The following PAX1 variants were observed in gnomAD, a reference collection of about 807,000 sequenced individuals.
PAX1 encodes paired box protein Pax-1.
A neutral mutation model predicts 35.6 loss-of-function variants in PAX1; 18 were observed. The observed-to-expected ratio is 0.50, with a 90% CI of 0.35 to 0.75. PAX1 has a LOEUF of 0.75. Ranked by LOEUF, PAX1 falls within the 30% of genes least tolerant of loss-of-function variation. PAX1 has a pLI of 0.01. For synonymous variants in PAX1, 397 were observed against 305.2 expected (o/e 1.30, Z -3.14); for missense variants, 760 against 661.5 (o/e 1.15, Z -1.63).
chr20:21,705,937 G>T lies in PAX1; in HGVS notation c.225G>T (p.Gly75=). ...CCCAAGCTCTCCCGGACTGCGCCGG[G>T]CCCAGCCCCGGCCACCCCGGCCACC... is the stretch of plus-strand genomic sequence containing the variant. ...GGAQALPDCA[G]PSPGHPGHPG... is the part of the protein sequence containing the mutation. The change falls in exon 1 of 5, where the codon GGG becomes GGT. Residue 75 remains glycine, a synonymous_variant. Transcript: ENST00000613128. 1.3e-6 allele frequency: 2 copies of T among 1,483,528 alleles called. No individual in the cohort carries two copies. Among genetic ancestry groups the T allele is most frequent in the Non-Finnish European group, 1.8e-6 (2 of 1,124,864 alleles). The allele number at this position is 1,483,528 out of a possible 1,614,324, so 91.9% of individuals were successfully genotyped here.
In PAX1 at chr20:21,715,098, T is replaced by G; in HGVS notation, c.*536T>G. On this transcript the variant is annotated 3_prime_UTR_variant, in exon 5 of 5. Transcript: ENST00000613128. ...CCCCCGTCTCCTCTTTCTAGTCCTC[T>G]ATATGCTATCAGCCCTTTTTCCTGG... The G allele has an allele frequency of 1.9e-6, 1 of 522,550 alleles. No homozygotes were observed. Among genetic ancestry groups the G allele is most frequent in the Non-Finnish European group, 3.4e-6 (1 of 290,376 alleles). The allele number at this position is 522,550 out of a possible 1,614,324, so 32.4% of individuals were successfully genotyped here.
In PAX1 at chr20:21,706,410, G is replaced by C. The variant is rs954131996; in HGVS notation, c.287-28G>C. ...CCCGCCGGGTGTTTTCTCCCCCTCC[G>C]GCTCACTCTTGTCTGGCGCATCCGC... is the stretch of plus-strand genomic sequence containing the variant. On this transcript the variant is annotated intron_variant, in intron 1 of 4. Transcript: ENST00000613128. The surrounding 1 kb of genome is among the most constrained non-coding windows in gnomAD (Gnocchi z 5.3). 5.6e-6 allele frequency: 9 copies of C among 1,609,838 alleles called. No individual in the cohort carries two copies. The highest frequency in any genetic ancestry group is 1.7e-5 in the Admixed American group (1 of 60,006).
In PAX1 at chr20:21,715,779, AAAC is replaced by A. The variant is rs201826745; in HGVS notation, c.*1232_*1234del. 7.9e-5 allele frequency: 12 copies of A among 152,724 alleles called. No homozygotes were observed. The highest frequency in any genetic ancestry group is 1.9e-4 in the African/African-American group (8 of 41,394). The allele number at this position is 152,724 out of a possible 1,614,324, so 9.5% of individuals were successfully genotyped here. On this transcript the variant is annotated 3_prime_UTR_variant, in exon 5 of 5. Coordinates refer to ENST00000613128, the MANE Select transcript of PAX1 (RefSeq NM_001257096.2). ...AGGGTTAAAAAAAACAAAACAAAAC[AAAC>A]AACAACAACAACAAAAACAACCCAG... is the stretch of plus-strand genomic sequence containing the variant.
chr20:21,714,825 T>A lies in PAX1; in HGVS notation c.*263T>A, dbSNP rs770274210. 4.4e-6 allele frequency: 7 copies of A among 1,588,726 alleles called. No individual in the cohort carries two copies. The highest frequency in any genetic ancestry group is 1.1e-5 in the South Asian group (1 of 90,800). ...TTAGACTGCCGTACCCTCCTCACAATCCTTGCTCTGACGTGGCCTCCTTCG... is the reference window on the plus strand; with the variant it reads ...TTAGACTGCCGTACCCTCCTCACAAACCTTGCTCTGACGTGGCCTCCTTCG... On this transcript the variant is annotated 3_prime_UTR_variant, in exon 5 of 5. Coordinates refer to ENST00000613128, the MANE Select transcript of PAX1 (RefSeq NM_001257096.2).
rs887701918 is a variant in PAX1, at chr20:21,708,596, A to C, written c.955A>C (p.Lys319Gln). ...AGSEGTAYSPKMEDWAGVNRT... is the reference protein window; with the variant it reads ...AGSEGTAYSPQMEDWAGVNRT... The stretch of plus-strand genomic sequence containing the variant: ...GAGCGAAGGCACCGCTTACTCTCCC[A>C]AGATGGAAGACTGGGCCGGCGTGAA... The change falls in exon 3 of 5, where the codon AAG becomes CAG. Residue 319 changes from lysine (K) to glutamine (Q), a missense_variant. Transcript: ENST00000613128. 4.3e-6 allele frequency: 7 copies of C among 1,613,812 alleles called. No homozygotes were observed. In the Admixed American group the frequency reaches 6.7e-5, roughly 15 times the overall value.
In PAX1 at chr20:21,706,678, A is replaced by G. The variant is rs747027543; in HGVS notation, c.527A>G (p.Asn176Ser). 19 of 1,613,036 alleles carry G rather than the reference A, an allele frequency of 1.2e-5. No homozygotes were observed. The highest frequency in any genetic ancestry group is 1.6e-4 in the Middle Eastern group (1 of 6,062). ...GGSKPRVTTPNVVKHIRDYKQ... is the reference protein window; with the variant it reads ...GGSKPRVTTPSVVKHIRDYKQ... ...AGCAAGCCCCGCGTCACCACTCCCAACGTGGTCAAGCACATCCGGGACTAC... is the reference window on the plus strand; with the variant it reads ...AGCAAGCCCCGCGTCACCACTCCCAGCGTGGTCAAGCACATCCGGGACTAC... Residue 176 changes from asparagine to serine, a missense_variant, in exon 2 of 5, where the codon AAC becomes AGC. Around this residue, in one of 3 missense-constraint regions of PAX1, gnomAD observed 490 missense variants for 428.4 expected, o/e 1.14. Transcript: ENST00000613128. This position sits in a 1 kb window ranked among gnomAD's most constrained non-coding sequence, Gnocchi z 5.3.
chr20:21,713,380 T>TGTGTGTGTG (rs1555805030), intron 4 of PAX1, among the ~76,000 whole-genome samples: 2 of 135,776 alleles, frequency 1.5e-5, no homozygotes, highest in Non-Finnish European at 1.6e-5. Context: ...TTTCTTTTTT[T>TGTGTGTGTG]TTTGTGTGTG....
Position 21,706,483 on chromosome 20 carries a change from A to G in PAX1, c.332A>G (p.Asn111Ser). The change falls in exon 2 of 5, where the codon AAC becomes AGC. Residue 111 changes from asparagine (N) to serine (S), a missense_variant. By Grantham distance (46) the Asn-to-Ser change is conservative (BLOSUM62 1). Transcript: ENST00000613128. This position sits in a 1 kb window ranked among gnomAD's most constrained non-coding sequence, Gnocchi z 5.3. ...EVNQLGGVFV[N>S]GRPLPNAIRL... is the part of the protein sequence containing the mutation. ...AACCAGCTGGGCGGTGTGTTCGTCA[A>G]CGGCCGCCCCCTGCCCAACGCCATC... 6.2e-7 allele frequency: 1 copy of G among 1,611,340 alleles called. No homozygotes were observed. The highest frequency in any genetic ancestry group is 8.5e-7 in the Non-Finnish European group (1 of 1,178,954).
intron 4 of PAX1, among the ~76,000 whole-genome samples, chr20:21,713,780 T>C (rs1394413741): frequency 6.6e-6 from 1 of 152,210 alleles, no homozygotes; most frequent in Non-Finnish European, 1.5e-5. Context: ...AATCCCACTG[T>C]CACTTAATCC....
chr20:21,716,002 C>T lies in PAX1; in HGVS notation c.*1440C>T, dbSNP rs1600330882. Reference sequence around the variant, plus strand: ...AAGGTGTGTGGTGAGGTGAGCAAGTCTGTTTCTGAGCGCAGAGTGTTGAGT... The same window carrying T: ...AAGGTGTGTGGTGAGGTGAGCAAGTTTGTTTCTGAGCGCAGAGTGTTGAGT... On this transcript the variant is annotated 3_prime_UTR_variant, in exon 5 of 5. Transcript: ENST00000613128. 3.3e-5 allele frequency: 5 copies of T among 152,264 alleles called. No homozygotes were observed. Among genetic ancestry groups the T allele is most frequent in the Admixed American group, 3.3e-4 (5 of 15,288 alleles). 9.4% of individuals were successfully genotyped at this position (152,264 alleles called of 1,614,324 possible).
rs1186222913 is a variant in PAX1, at chr20:21,706,238, A to T, written c.287-200A>T. 3 of 807,014 alleles carry T rather than the reference A, an allele frequency of 3.7e-6. No individual in the cohort carries two copies. Among genetic ancestry groups the T allele is most frequent in the Admixed American group, 2.0e-5 (1 of 50,200 alleles). 50.0% of individuals were successfully genotyped at this position (807,014 alleles called of 1,614,324 possible). A position where few individuals can be genotyped will look rare whatever the true frequency, so the allele number is the denominator to read the frequency against. On this transcript the variant is annotated intron_variant, in intron 1 of 4. Transcript: ENST00000613128. The surrounding 1 kb of genome is among the most constrained non-coding windows in gnomAD (Gnocchi z 5.3). ...GGAGGGCTACAATGCGCCGCGCTCCACTCCGCGGCTCCTCTGCGCCCTTGC... is the reference window on the plus strand; with the variant it reads ...GGAGGGCTACAATGCGCCGCGCTCCTCTCCGCGGCTCCTCTGCGCCCTTGC...
At chr20:21,708,351 C>A in intron 2 of PAX1, 1 of 707,840 alleles carries the variant, frequency 1.4e-6, no homozygotes, top group Non-Finnish European at 2.6e-6. Flanking sequence ...GCTAGGAGGA[C>A]CGGGCAGCAG....
Position 21,709,241 on chromosome 20 carries a change from C to T in PAX1, c.1079C>T (p.Ala360Val), listed in dbSNP as rs1300793018. The change falls in exon 4 of 5, where the codon GCC becomes GTC. Residue 360 changes from alanine to valine, a missense_variant. This residue lies in a region of PAX1 where 490 missense variants were observed against 428.4 expected (regional missense o/e 1.14). Coordinates refer to ENST00000613128, the MANE Select transcript of PAX1 (RefSeq NM_001257096.2). ...KYTQSASTLS[A>V]VGGFLPACAY... ...CCACAGTCGGCCTCCACCCTCTCTG[C>T]CGTGGGCGGCTTTCTCCCCGCCTGC... The T allele has an allele frequency of 6.2e-7, 1 of 1,606,616 alleles. No homozygotes were observed. The highest frequency in any genetic ancestry group is 1.7e-5 in the Admixed American group (1 of 60,012).
In PAX1 at chr20:21,708,594, C is replaced by T. The variant is rs768246382; in HGVS notation, c.953C>T (p.Pro318Leu). 3.1e-6 allele frequency: 5 copies of T among 1,613,836 alleles called. No homozygotes were observed. The Admixed American group carries it at 8.3e-5, about 27-fold the overall frequency. The stretch of plus-strand genomic sequence containing the variant: ...GGGAGCGAAGGCACCGCTTACTCTC[C>T]CAAGATGGAAGACTGGGCCGGCGTG... ...LAGSEGTAYS[P>L]KMEDWAGVNR... Residue 318 changes from proline (P) to leucine (L), a missense_variant, in exon 3 of 5, where the codon CCC becomes CTC. Coordinates refer to ENST00000613128, the MANE Select transcript of PAX1 (RefSeq NM_001257096.2).
intron 4 of PAX1, among the ~76,000 whole-genome samples, chr20:21,712,332 T>C (rs17861045): frequency 1.3e-5 from 2 of 152,224 alleles, no homozygotes; most frequent in East Asian, 1.9e-4. Context: ...ATGATTTACA[T>C]TTCCCATCCC....
Position 21,706,085 on chromosome 20 carries a change from C to G in PAX1, c.286+87C>G, listed in dbSNP as rs1324681854. ...CTCCCTTCCCTCTCGTCCGCTTTCC[C>G]TGGGCGACCCAGTCCTGGGTCCTGG... On this transcript the variant is annotated intron_variant, in intron 1 of 4. Coordinates refer to ENST00000613128, the MANE Select transcript of PAX1 (RefSeq NM_001257096.2). The surrounding 1 kb of genome is among the most constrained non-coding windows in gnomAD (Gnocchi z 5.3). 1 of 1,138,274 alleles carries G rather than the reference C, an allele frequency of 8.8e-7. No individual in the cohort carries two copies. The highest frequency in any genetic ancestry group is 1.2e-6 in the Non-Finnish European group (1 of 815,836). 70.5% of individuals were successfully genotyped at this position (1,138,274 alleles called of 1,614,324 possible). A position where few individuals can be genotyped will look rare whatever the true frequency, so the allele number is the denominator to read the frequency against.
At position 21,714,814 on chromosome 20, in the gene PAX1, C is replaced by G. The variant is rs950563500; in HGVS notation, c.*252C>G. On this transcript the variant is annotated 3_prime_UTR_variant, in exon 5 of 5. Transcript: ENST00000613128. ...GAACTTGGGTTTTAGACTGCCGTAC[C>G]CTCCTCACAATCCTTGCTCTGACGT... 1.9e-6 allele frequency: 3 copies of G among 1,595,702 alleles called. No individual in the cohort carries two copies. The highest frequency in any genetic ancestry group is 1.1e-5 in the South Asian group (1 of 90,956).
chr20:21,714,234 C>T (rs929171348), intron 4 of PAX1, among the ~76,000 whole-genome samples: 4 of 152,186 alleles, frequency 2.6e-5, no homozygotes, highest in Admixed American at 2.6e-4. Context: ...AATGGCCTTG[C>T]GAGGAGTCCC....
Position 21,714,972 on chromosome 20 carries a change from C to A in PAX1, c.*410C>A. 1 of 697,948 alleles carries A rather than the reference C, an allele frequency of 1.4e-6. No individual in the cohort carries two copies. Among genetic ancestry groups the A allele is most frequent in the Non-Finnish European group, 2.5e-6 (1 of 394,704 alleles). 43.2% of individuals were successfully genotyped at this position (697,948 alleles called of 1,614,324 possible). A position where few individuals can be genotyped will look rare whatever the true frequency, so the allele number is the denominator to read the frequency against. On this transcript the variant is annotated 3_prime_UTR_variant, in exon 5 of 5. Transcript: ENST00000613128. ...CCTCCCTTCCCTTTCTCTTTCCCTT[C>A]CTCCCTACCTTCCACCCCGGCTTTC...
Sources: gnomAD v4.1 joint callset for allele counts (sites outside exome capture counted in the v4.1 genomes callset) on GRCh38, gnomAD v4.1.1 for gene constraint, gnomAD v4.1.1 regional missense constraint, Gnocchi (gnomAD v3.1) non-coding constraint, MANE v1.5 for transcripts, NCBI Gene and HGNC (gene_info 2026-07-23, HGNC 2026-07-21) for gene names.